Variants in MIA2 observed in about 807,000 individuals in gnomAD.
MIA2 encodes MIA SH3 domain ER export factor 2, also known as melanoma inhibitory activity protein 2.
A neutral mutation model predicts 167.8 loss-of-function variants in MIA2; 127 were observed. The ratio of observed to expected loss-of-function variants is 0.76; its 90% confidence interval spans 0.66 to 0.88. The LOEUF is 0.88. MIA2 is among the 40% of genes least tolerant of loss of function. The pLI is 0.00. For synonymous variants in MIA2, 552 were observed against 541.9 expected (o/e 1.02, Z -0.26); for missense variants, 1,690 against 1,624.7 (o/e 1.04, Z -0.69).
intron 20 of MIA2, chr14:39,315,338 G>A (rs73277496): frequency 0.016 from 2,952 of 182,026 alleles, 104 homozygotes; most frequent in African/African-American, 0.066. Context: ...TAAAATTGCC[G>A]TATCTCCTGC....
intron 22 of MIA2, among the ~76,000 whole-genome samples, chr14:39,318,421 T>A (rs918519785): frequency 6.6e-6 from 1 of 152,154 alleles, no homozygotes; most frequent in Non-Finnish European, 1.5e-5. Flanking sequence ...TGGGTGACAT[T>A]GTTTTACAAT....
chr14:39,365,154 C>T (rs2074791764), intron 23 of MIA2, among the ~76,000 whole-genome samples: 1 of 152,024 alleles, frequency 6.6e-6, no homozygotes, highest in African/African-American at 2.4e-5. Context: ...CAACTTCCAC[C>T]TCCCAAGTTC....
chr14:39,330,082 G>T (rs2068469355), intron 25 of MIA2, among the ~76,000 whole-genome samples: 1 of 152,170 alleles, frequency 6.6e-6, no homozygotes, highest in African/African-American at 2.4e-5. Flanking sequence ...GAATTTGGCT[G>T]TGAATCCATC....
intron 25 of MIA2, among the ~76,000 whole-genome samples, chr14:39,327,329 T>G (rs1009242853): frequency 6.6e-6 from 1 of 152,248 alleles, no homozygotes; most frequent in Non-Finnish European, 1.5e-5. Flanking sequence ...AAATCCCTTT[T>G]GTCATCTTAG....
chr14:39,381,839 T>A (rs763085520), intron 23 of MIA2, among the ~76,000 whole-genome samples: 18 of 145,660 alleles, frequency 1.2e-4, no homozygotes, highest in Non-Finnish European at 2.1e-4. Flanking sequence ...CAGAAACAAA[T>A]CAACAACAAC....
chr14:39,254,085 A>C (rs1043528646), intron 6 of MIA2, among the ~76,000 whole-genome samples: 10 of 152,178 alleles, frequency 6.6e-5, no homozygotes, highest in African/African-American at 2.2e-4. Flanking sequence ...GTAGCTGCCT[A>C]GTAGATTGAT....
intron 4 of MIA2, among the ~76,000 whole-genome samples, chr14:39,249,704 T>C (rs1681297374): frequency 6.6e-6 from 1 of 152,178 alleles, no homozygotes; most frequent in Non-Finnish European, 1.5e-5. Flanking sequence ...AGTAGAAAAC[T>C]TTATGACTTT....
In MIA2 at chr14:39,265,513, G is replaced by A. The variant is rs1033458030; in HGVS notation, c.1888-11421G>A. ...GCTTTACTGTGTTTTTGCTATGGGG[G>A]GAACTTGGATTTTTCTTTTTTTTTC... On this transcript the variant is annotated intron_variant, in intron 6 of 28. Coordinates refer to ENST00000640607, the MANE Select transcript of MIA2 (RefSeq NM_001329214.4). 1.6e-5 allele frequency: 15 copies of A among 949,486 alleles called. No individual in the cohort carries two copies. The African/African-American group carries it at 2.0e-4, about 13-fold the overall frequency. 58.8% of individuals were successfully genotyped at this position (949,486 alleles called of 1,614,324 possible).
At chr14:39,269,073 A>AGTT in intron 6 of MIA2, 2 of 362,204 alleles carry the variant, frequency 5.5e-6, no homozygotes, top group Non-Finnish European at 6.7e-6. Flanking sequence ...TCACCTGCAC[A>AGTT]GTTTTTTTTT....
chr14:39,384,814 T>C (rs2075241652), intron 23 of MIA2, among the ~76,000 whole-genome samples: 1 of 151,902 alleles, frequency 6.6e-6, no homozygotes, highest in South Asian at 2.1e-4. Context: ...ACACATCTTA[T>C]TTTCACTGCT....
At chr14:39,357,713 G>A (rs952919551) in intron 23 of MIA2, among the ~76,000 whole-genome samples, 1 of 152,178 alleles carries the variant, frequency 6.6e-6, no homozygotes, top group Non-Finnish European at 1.5e-5. Flanking sequence ...TCCATGTGTA[G>A]TGCTTCCTTC....
intron 9 of MIA2, among the ~76,000 whole-genome samples, chr14:39,288,465 A>ATTTTT (rs1410286393): frequency 3.0e-4 from 13 of 42,676 alleles, no homozygotes; most frequent in African/African-American, 4.3e-4. Flanking sequence ...ATATATATAT[A>ATTTTT]TATATATATA....
At chr14:39,349,986 T>C in intron 28 of MIA2, 112 bp from the exon 29 acceptor site, 1 of 486,924 alleles carries the variant, frequency 2.1e-6, no homozygotes, top group East Asian at 3.2e-5. Context: ...TTATCTAGTG[T>C]CAATTTTCAA....
intron 9 of MIA2, among the ~76,000 whole-genome samples, chr14:39,284,120 T>G (rs1198399044): frequency 6.6e-6 from 1 of 152,190 alleles, no homozygotes; most frequent in Non-Finnish European, 1.5e-5. Flanking sequence ...AGTCAATAAA[T>G]TATTGCCAAG....
intron 22 of MIA2, among the ~76,000 whole-genome samples, chr14:39,318,755 C>A (rs937213275): frequency 6.6e-6 from 1 of 152,208 alleles, no homozygotes; most frequent in South Asian, 2.1e-4. Context: ...TAACTGGAAT[C>A]ATGAGTGTCA....
intron 4 of MIA2, among the ~76,000 whole-genome samples, chr14:39,251,567 A>G (rs886158263): frequency 6.6e-6 from 1 of 152,156 alleles, no homozygotes; most frequent in African/African-American, 2.4e-5. Context: ...AAATTTGAGT[A>G]TAATTATTGA....
chr14:39,243,539 G>C (rs1271831348), intron 3 of MIA2, among the ~76,000 whole-genome samples: 2 of 152,124 alleles, frequency 1.3e-5, no homozygotes, highest in Non-Finnish European at 2.9e-5. Flanking sequence ...AAATTTATTT[G>C]ATCACAATTT....
rs750243588 is a variant in MIA2, at chr14:39,303,460, T to G, written c.2741-18T>G. On this transcript the variant is annotated intron_variant, in intron 15 of 28. Coordinates refer to ENST00000640607, the MANE Select transcript of MIA2 (RefSeq NM_001329214.4). ...CTATTTTCCCAAATCATTGTTGTGC[T>G]TTTGATTTTCACTGTAGATAATCCT... 4 of 1,599,434 alleles carry G rather than the reference T, an allele frequency of 2.5e-6. No individual in the cohort carries two copies. In the African/African-American group the frequency reaches 5.4e-5, roughly 21 times the overall value.
At chr14:39,265,974 G>A in intron 6 of MIA2, 1 of 985,412 alleles carries the variant, frequency 1.0e-6, no homozygotes, top group Non-Finnish European at 1.2e-6. Context: ...TGGCAAAGGA[G>A]AAATAGCAAT....
Sources: gnomAD v4.1 joint callset for allele counts (sites outside exome capture counted in the v4.1 genomes callset) on GRCh38, gnomAD v4.1.1 for gene constraint, MANE v1.5 for transcripts, NCBI Gene and HGNC (gene_info 2026-07-23, HGNC 2026-07-21) for gene names.